Variants in PELO observed in about 807,000 individuals in gnomAD.
PELO encodes protein pelota homolog.
Under a neutral mutation model 25.9 loss-of-function variants are expected in PELO, and 19 were observed. The observed-to-expected ratio is 0.73, with a 90% CI of 0.51 to 1.08. The LOEUF is 1.08. PELO is among the 50% of genes least tolerant of loss of function. PELO has a pLI of 0.00. For missense variants in PELO, 498 were observed against 491.4 expected (o/e 1.01, Z -0.13); for synonymous variants, 196 against 192.2 (o/e 1.02, Z -0.16).
chr5:52,801,644 A>G lies in PELO; in HGVS notation c.962A>G (p.Gln321Arg), dbSNP rs771096962. The part of the protein sequence containing the change: ...LLISDELFRH[Q>R]DVATRSRYVR... Reference sequence around the variant, plus strand: ...ATCAGCGATGAGCTCTTCAGGCATCAGGATGTAGCCACACGGAGCCGGTAT... The same window carrying G: ...ATCAGCGATGAGCTCTTCAGGCATCGGGATGTAGCCACACGGAGCCGGTAT... Residue 321 changes from glutamine (Q) to arginine (R), a missense_variant, in exon 3 of 3, where the codon CAG (glutamine) becomes CGG (arginine). Gln to Arg is a conservative substitution (Grantham distance 43, BLOSUM62 1). Coordinates refer to ENST00000274311, the MANE Select transcript of PELO (RefSeq NM_015946.5). 5.0e-6 allele frequency: 8 copies of G among 1,614,090 alleles called. No homozygotes were observed. In the African/African-American group the frequency reaches 6.7e-5, roughly 13 times the overall value.
In PELO at chr5:52,795,519, GA is replaced by G. The variant is rs1192748914; in HGVS notation, c.-510-4363del. ...CATTTCTTTTATATTATTATAATAG[GA>G]AAGATAGTAATTCAACTCACCAATG... On this transcript the variant is annotated intron_variant, in intron 1 of 2. Coordinates refer to ENST00000274311, the MANE Select transcript of PELO (RefSeq NM_015946.5). Among the ~76,000 whole-genome samples the G allele has an allele frequency of 7.2e-5, 11 of 151,850 alleles. No homozygotes were observed. The East Asian group carries it at 1.2e-3, about 16-fold the overall frequency.
At position 52,800,966 on chromosome 5, in the gene PELO, A is replaced by G; in HGVS notation, c.572A>G (p.Gln191Arg). The G allele has an allele frequency of 6.2e-7, 1 of 1,614,238 alleles. No homozygotes were observed. Among genetic ancestry groups the G allele is most frequent in the Non-Finnish European group, 8.5e-7 (1 of 1,180,040 alleles). The change falls in exon 2 of 3, where the codon CAG (glutamine) becomes CGG (arginine). Residue 191 changes from glutamine to arginine, a missense_variant. Physicochemically the swap from Gln to Arg is conservative, Grantham distance 43. Transcript: ENST00000274311. ...GAGCGGTTCTATGAACAGGTGGTCCAGGCTATCCAGCGCCACATACACTTT... is the reference window on the plus strand; with the variant it reads ...GAGCGGTTCTATGAACAGGTGGTCCGGGCTATCCAGCGCCACATACACTTT... ...ALERFYEQVV[Q>R]AIQRHIHFDV...
Position 52,788,288 on chromosome 5 carries a change from C to T in PELO, c.-637C>T. 1.6e-6 allele frequency: 2 copies of T among 1,283,140 alleles called. No individual in the cohort carries two copies. Among genetic ancestry groups the T allele is most frequent in the Non-Finnish European group, 2.0e-6 (2 of 978,590 alleles). The allele number at this position is 1,283,140 out of a possible 1,614,324, so 79.5% of individuals were successfully genotyped here. ...GGATAAGTGGCCCAGCCAGAGAGCG[C>T]AGCTCCCGCGCCCGGTCCTGCCCTG... On this transcript the variant is annotated 5_prime_UTR_variant, in exon 1 of 3. Coordinates refer to ENST00000274311, the MANE Select transcript of PELO (RefSeq NM_015946.5).
intron 1 of PELO, 89 bp downstream of exon 1, chr5:52,788,503 T>C (rs975276569): frequency 8.0e-6 from 9 of 1,122,486 alleles, no homozygotes; most frequent in Non-Finnish European, 1.1e-5. Context: ...ATGGGCCAGA[T>C]AGGAAGAGAG....
chr5:52,798,157 G>C (rs1328771607), intron 1 of PELO, among the ~76,000 whole-genome samples: 1 of 152,154 alleles, frequency 6.6e-6, no homozygotes, highest in African/African-American at 2.4e-5. Context: ...CTTCACACTT[G>C]AGTGTGATTA....
At position 52,787,988 on chromosome 5, in the gene PELO, C is replaced by T. The variant is rs1215200878; in HGVS notation, c.-937C>T. 2 of 224,858 alleles carry T rather than the reference C, an allele frequency of 8.9e-6. No individual in the cohort carries two copies. Among genetic ancestry groups the T allele is most frequent in the African/African-American group, 2.3e-5 (1 of 44,004 alleles). The allele number at this position is 224,858 out of a possible 1,614,324, so 13.9% of individuals were successfully genotyped here. On this transcript the variant is annotated 5_prime_UTR_variant, in exon 1 of 3. Coordinates refer to ENST00000274311, the MANE Select transcript of PELO (RefSeq NM_015946.5). ...ACCCTCTCAATGAAAGGCAGATGTC[C>T]CTTTAAGGTTTGCTTCTACAGCCCG...
intron 1 of PELO, among the ~76,000 whole-genome samples, chr5:52,798,856 G>A (rs910577808): frequency 2.0e-5 from 3 of 152,110 alleles, no homozygotes; most frequent in African/African-American, 7.2e-5. Flanking sequence ...TTCCTTGTGG[G>A]CAAAATATGA....
chr5:52,801,338 A>G, intron 2 of PELO, 71 bp from the exon 3 acceptor site: 1 of 1,362,526 alleles, frequency 7.3e-7, no homozygotes, highest in South Asian at 1.4e-5. Flanking sequence ...TTTTGGCTTT[A>G]AGCCTTTGTG....
intron 1 of PELO, among the ~76,000 whole-genome samples, chr5:52,790,505 A>G (rs1748217554): frequency 6.6e-6 from 1 of 152,196 alleles, no homozygotes; most frequent in Admixed American, 6.5e-5. Context: ...GTTCTAGGGG[A>G]AAATCAGTTT....
chr5:52,788,507 A>C, intron 1 of PELO, 93 bp downstream of exon 1: 1 of 1,075,884 alleles, frequency 9.3e-7, no homozygotes, highest in South Asian at 1.9e-5. Flanking sequence ...GCCAGATAGG[A>C]AGAGAGAGCG....
intron 1 of PELO, among the ~76,000 whole-genome samples, chr5:52,789,129 C>G (rs1372270330): frequency 6.6e-6 from 1 of 151,958 alleles, no homozygotes; most frequent in Non-Finnish European, 1.5e-5. Flanking sequence ...AAAGTTGTAT[C>G]CAATTTAGAA....
Position 52,787,993 on chromosome 5 carries a change from A to C in PELO, c.-932A>C. On this transcript the variant is annotated 5_prime_UTR_variant, in exon 1 of 3. An upstream open reading frame in the 5' UTR loses its in-frame stop. Transcript: ENST00000274311. Reference sequence around the variant, plus strand: ...CTCAATGAAAGGCAGATGTCCCTTTAAGGTTTGCTTCTACAGCCCGTGGAC... The same window carrying C: ...CTCAATGAAAGGCAGATGTCCCTTTCAGGTTTGCTTCTACAGCCCGTGGAC... 4.3e-6 allele frequency: 1 copy of C among 231,024 alleles called. No individual in the cohort carries two copies. The highest frequency in any genetic ancestry group is 8.4e-6 in the Non-Finnish European group (1 of 119,196). 14.3% of individuals were successfully genotyped at this position (231,024 alleles called of 1,614,324 possible).
intron 1 of PELO, among the ~76,000 whole-genome samples, chr5:52,798,869 G>A (rs1748398137): frequency 6.6e-6 from 1 of 152,146 alleles, no homozygotes; most frequent in African/African-American, 2.4e-5. Context: ...AAATATGAGC[G>A]AGGTGTGTAG....
Position 52,800,700 on chromosome 5 carries a change from CGAGCTG to C in PELO, c.311_316del (p.Leu104_Glu105del). 1.9e-6 allele frequency: 3 copies of C among 1,614,220 alleles called. No individual in the cohort carries two copies. Among genetic ancestry groups the C allele is most frequent in the Non-Finnish European group, 2.5e-6 (3 of 1,180,032 alleles). ...TCAAGATGGGGGCTTACCACACCAT[CGAGCTG>C]GAGCCCAACCGCCAGTTCACCCTGG... On this transcript the variant is annotated inframe_deletion, in exon 2 of 3. Transcript: ENST00000274311.
In PELO at chr5:52,788,345, G is replaced by A. The variant is rs779677015; in HGVS notation, c.-580G>A. 32 of 1,503,940 alleles carry A rather than the reference G, an allele frequency of 2.1e-5. No individual in the cohort carries two copies. Among genetic ancestry groups the A allele is most frequent in the South Asian group, 3.7e-5 (3 of 80,938 alleles). The allele number at this position is 1,503,940 out of a possible 1,614,324, so 93.2% of individuals were successfully genotyped here. A position where few individuals can be genotyped will look rare whatever the true frequency, so the allele number is the denominator to read the frequency against. ...AGCGCGGCCCCCTGGCGCTGAGGCT[G>A]CTCCGGCCATGGCCCCTCGGCCCCG... On this transcript the variant is annotated 5_prime_UTR_variant, in exon 1 of 3. Transcript: ENST00000274311.
rs138329572 is a variant in PELO, at chr5:52,791,073, A to T, written c.-511+2659A>T. ...CCAATAAACTTCCTATTTGATTTAG[A>T]CTGTCTTATATTAGCTCCTTACAAC... is the stretch of plus-strand genomic sequence containing the variant. On this transcript the variant is annotated intron_variant, in intron 1 of 2. Coordinates refer to ENST00000274311, the MANE Select transcript of PELO (RefSeq NM_015946.5). Among the ~76,000 whole-genome samples, 121 of 152,324 alleles carry T rather than the reference A, an allele frequency of 7.9e-4. 2 individuals carry two copies. In the East Asian group the frequency reaches 0.023, roughly 29 times the overall value.
intron 1 of PELO, among the ~76,000 whole-genome samples, chr5:52,799,596 C>A (rs17209816): frequency 1.3e-5 from 2 of 152,198 alleles, no homozygotes; most frequent in African/African-American, 4.8e-5. Flanking sequence ...GGTAACTAGG[C>A]GCAGAAAACA....
intron 2 of PELO, 127 bp from the exon 3 acceptor site, chr5:52,801,282 A>G: frequency 8.7e-7 from 1 of 1,143,228 alleles, no homozygotes; most frequent in Non-Finnish European, 1.2e-6. Flanking sequence ...TGTCTAGCAA[A>G]TTTATGGAGT....
chr5:52,792,689 C>A (rs539601543), intron 1 of PELO, among the ~76,000 whole-genome samples: 2 of 152,212 alleles, frequency 1.3e-5, no homozygotes, highest in African/African-American at 4.8e-5. Flanking sequence ...AATAAAGTAG[C>A]TCATGTTTAA....
Sources: allele counts gnomAD v4.1 joint callset (sites outside exome capture counted in the v4.1 genomes callset), GRCh38; gene constraint gnomAD v4.1.1; transcripts MANE v1.5; gene names NCBI Gene and HGNC (gene_info 2026-07-23, HGNC 2026-07-21).